The following GALNT15 variants were observed in gnomAD, a reference collection of about 807,000 sequenced individuals.
The protein encoded by GALNT15 is UDP-GalNAc transferase T15.
Under a neutral mutation model 66.8 loss-of-function variants are expected in GALNT15, and 67 were observed. That is an observed-to-expected ratio of 1.00 (90% CI 0.82 to 1.23). The LOEUF is 1.23. Ranked by LOEUF, GALNT15 falls within the 50% of genes most tolerant of loss-of-function variation. The pLI is 0.00. For synonymous variants in GALNT15, 313 were observed against 311.5 expected (o/e 1.00, Z -0.05); for missense variants, 827 against 804.3 (o/e 1.03, Z -0.34).
Position 16,182,998 on chromosome 3 carries a change from G to T in GALNT15, c.539+7308G>T, listed in dbSNP as rs2063484980. The T allele has an allele frequency of 6.6e-6, 1 of 152,348 alleles. No individual in the cohort carries two copies. Among genetic ancestry groups the T allele is most frequent in the Non-Finnish European group, 1.5e-5 (1 of 68,186 alleles). 9.4% of individuals were successfully genotyped at this position (152,348 alleles called of 1,614,324 possible). ...TTTCTCTGGCCGCTAGCCTGGGGAG[G>T]CTGTCCCTGTTAGGTGGAACTATGG... On this transcript the variant is annotated intron_variant, in intron 1 of 9. Coordinates refer to ENST00000339732, the MANE Select transcript of GALNT15 (RefSeq NM_054110.5). This position sits in a 1 kb window ranked among gnomAD's most constrained non-coding sequence, Gnocchi z 6.1.
rs751360628 is a variant in GALNT15, at chr3:16,184,603, T to C, written c.539+8913T>C. ...CAGCTGCTGAATAATGATTTGGTTA[T>C]GTTTAATAGGACATAAACTCCATGC... On this transcript the variant is annotated intron_variant, in intron 1 of 9. Transcript: ENST00000339732. This position sits in a 1 kb window ranked among gnomAD's most constrained non-coding sequence, Gnocchi z 5.0. Among the ~76,000 whole-genome samples, 6 of 152,260 alleles carry C rather than the reference T, an allele frequency of 3.9e-5. No individual in the cohort carries two copies. The highest frequency in any genetic ancestry group is 5.9e-5 in the Non-Finnish European group (4 of 68,046).
In GALNT15 at chr3:16,228,837, C is replaced by G. The variant is rs2064051989; in HGVS notation, c.*1337C>G. 1.0e-6 allele frequency: 1 copy of G among 985,200 alleles called. No individual in the cohort carries two copies. Among genetic ancestry groups the G allele is most frequent in the Non-Finnish European group, 1.2e-6 (1 of 829,916 alleles). The allele number at this position is 985,200 out of a possible 1,614,324, so 61.0% of individuals were successfully genotyped here. A position where few individuals can be genotyped will look rare whatever the true frequency, so the allele number is the denominator to read the frequency against. On this transcript the variant is annotated 3_prime_UTR_variant, in exon 10 of 10. Transcript: ENST00000339732. ...AGAGCTGACAGGGCCATCTCTGAGC[C>G]CATATAACTGTCTGGAACCCCCAAA...
At chr3:16,216,264 T>A (rs1215087361) in intron 6 of GALNT15, among the ~76,000 whole-genome samples, 1 of 151,202 alleles carries the variant, frequency 6.6e-6, no homozygotes, top group Non-Finnish European at 1.5e-5. Flanking sequence ...AAAGCAGGAG[T>A]GAAAGTTTAT....
At chr3:16,246,751 A>T in the GALNT15 span, among the ~76,000 whole-genome samples, 2 of 152,244 alleles carry the variant, frequency 1.3e-5, no homozygotes, top group East Asian at 3.8e-4. Context: ...CTGGAAAGAA[A>T]AGCATAATAT....
chr3:16,216,895 A>G (rs1347361693), intron 6 of GALNT15, among the ~76,000 whole-genome samples: 1 of 152,124 alleles, frequency 6.6e-6, no homozygotes, highest in Non-Finnish European at 1.5e-5. Flanking sequence ...CTGATCACCA[A>G]TTTCAGGTTT....
At chr3:16,214,269 G>A (rs755251592) in intron 6 of GALNT15, among the ~76,000 whole-genome samples, 7 of 152,218 alleles carry the variant, frequency 4.6e-5, no homozygotes, top group African/African-American at 7.2e-5. Context: ...GGAAGTGGAA[G>A]CATGTGTCCA....
the GALNT15 span, among the ~76,000 whole-genome samples, chr3:16,241,237 ATC>A: frequency 6.6e-6 from 1 of 152,204 alleles, no homozygotes; most frequent in Admixed American, 6.6e-5. The surrounding 1 kb of genome is among the most constrained non-coding windows in gnomAD (Gnocchi z 4.6). Flanking sequence ...CTAGCATAGT[ATC>A]TGACTCTTGA....
rs2063497238 is a variant in GALNT15, at chr3:16,184,256, G to T, written c.539+8566G>T. ...ATATTTCGTTGAAGCAGAGAAGTTA[G>T]CCTCATTATTTAACAATAAAAACAT... is the stretch of plus-strand genomic sequence containing the variant. On this transcript the variant is annotated intron_variant, in intron 1 of 9. Transcript: ENST00000339732. This position sits in a 1 kb window ranked among gnomAD's most constrained non-coding sequence, Gnocchi z 5.0. 6.6e-6 allele frequency among the ~76,000 whole-genome samples: 1 copy of T among 152,178 alleles called. No individual in the cohort carries two copies. Among genetic ancestry groups the T allele is most frequent in the African/African-American group, 2.4e-5 (1 of 41,436 alleles).
At chr3:16,245,875 T>C in the GALNT15 span, among the ~76,000 whole-genome samples, 2 of 152,242 alleles carry the variant, frequency 1.3e-5, no homozygotes, top group African/African-American at 4.8e-5. Context: ...GCTTTGTCAC[T>C]ATTTTTTCAG....
chr3:16,241,039 A>G, the GALNT15 span, among the ~76,000 whole-genome samples: 3 of 152,096 alleles, frequency 2.0e-5, no homozygotes, highest in African/African-American at 4.8e-5. The surrounding 1 kb of genome is among the most constrained non-coding windows in gnomAD (Gnocchi z 4.6). Context: ...CCTATCATGC[A>G]TGACTCATAT....
At chr3:16,213,913 G>T (rs1478708646) in intron 6 of GALNT15, among the ~76,000 whole-genome samples, 2 of 152,218 alleles carry the variant, frequency 1.3e-5, no homozygotes, top group African/African-American at 4.8e-5. Context: ...CCCTAAGTGG[G>T]AATAGCCTCC....
chr3:16,194,203 GATTA>G (rs1339612990), intron 1 of GALNT15, among the ~76,000 whole-genome samples: 1 of 152,098 alleles, frequency 6.6e-6, no homozygotes, highest in African/African-American at 2.4e-5. Flanking sequence ...CCAACCCACG[GATTA>G]ATTATCAGAT....
rs988936715 is a variant in GALNT15 at position 16,200,037 on chromosome 3, G to A, written c.707-582G>A. On this transcript the variant is annotated intron_variant, in intron 2 of 9. Transcript: ENST00000339732. The surrounding 1 kb of genome is among the most constrained non-coding windows in gnomAD (Gnocchi z 4.4). ...GGAGGTTTAATTGACTCACAGTTTC[G>A]CATGGCTGGGGAGGCCTCAGGAAAC... Among the ~76,000 whole-genome samples the A allele has an allele frequency of 5.9e-5, 9 of 152,254 alleles. No homozygotes were observed. Among genetic ancestry groups the A allele is most frequent in the East Asian group, 3.9e-4 (2 of 5,172 alleles).
At chr3:16,177,453 T>C (rs1202017847) in intron 1 of GALNT15, among the ~76,000 whole-genome samples, 1 of 152,242 alleles carries the variant, frequency 6.6e-6, no homozygotes, top group Admixed American at 6.5e-5. Flanking sequence ...CTCTGTGTTG[T>C]GTGTGCATTG....
chr3:16,184,028 C>A lies in GALNT15; in HGVS notation c.539+8338C>A, dbSNP rs2063495183. ...TAGGCTAAGATTATCCCTTTCAATC[C>A]AGGACACACCCCTGGGCTGGAGAAA... On this transcript the variant is annotated intron_variant, in intron 1 of 9. Coordinates refer to ENST00000339732, the MANE Select transcript of GALNT15 (RefSeq NM_054110.5). The surrounding 1 kb of genome is among the most constrained non-coding windows in gnomAD (Gnocchi z 5.0). 6.6e-6 allele frequency among the ~76,000 whole-genome samples: 1 copy of A among 152,160 alleles called. No homozygotes were observed. The highest frequency in any genetic ancestry group is 6.5e-5 in the Admixed American group (1 of 15,280).
At position 16,175,124 on chromosome 3, in the gene GALNT15, C is replaced by T. The variant is rs1284066462; in HGVS notation, c.-28C>T. 1 of 1,589,788 alleles carries T rather than the reference C, an allele frequency of 6.3e-7. No homozygotes were observed. Among genetic ancestry groups the T allele is most frequent in the East Asian group, 2.3e-5 (1 of 44,438 alleles). Reference sequence around the variant, plus strand: ...CGGGAGAAAGCTAACTTGAACATGACCTGTTGCATTTGGCAAGTTCTAGCA... The same window carrying T: ...CGGGAGAAAGCTAACTTGAACATGATCTGTTGCATTTGGCAAGTTCTAGCA... On this transcript the variant is annotated 5_prime_UTR_variant, in exon 1 of 10. Coordinates refer to ENST00000339732, the MANE Select transcript of GALNT15 (RefSeq NM_054110.5). The surrounding 1 kb of genome is among the most constrained non-coding windows in gnomAD (Gnocchi z 5.6).
downstream of GALNT15, among the ~76,000 whole-genome samples, chr3:16,232,469 A>AATATATATATATATATATAT (rs374444719): frequency 2.6e-5 from 1 of 38,750 alleles, no homozygotes; most frequent in East Asian, 7.7e-4. Context: ...TAAATAAATA[A>AATATATATATATATATATAT]ATATATATAT....
At chr3:16,231,273 T>G (rs1468525834), downstream of GALNT15, among the ~76,000 whole-genome samples, 3 of 152,182 alleles carry the variant, frequency 2.0e-5, no homozygotes, top group African/African-American at 7.2e-5. This position sits in a 1 kb window ranked among gnomAD's most constrained non-coding sequence, Gnocchi z 4.1. Context: ...TGTATTCCTA[T>G]GTAACAAACC....
intron 5 of GALNT15, 26 bp from the exon 6 acceptor site, chr3:16,212,543 G>A: frequency 1.9e-6 from 3 of 1,603,630 alleles, no homozygotes. Context: ...GAATGCTGAG[G>A]TGTTTATCTT....
Sources: gnomAD v4.1 joint callset for allele counts (sites outside exome capture counted in the v4.1 genomes callset) on GRCh38, gnomAD v4.1.1 for gene constraint, Gnocchi (gnomAD v3.1) non-coding constraint, MANE v1.5 for transcripts, NCBI Gene and HGNC (gene_info 2026-07-23, HGNC 2026-07-21) for gene names.